Variants in COL25A1 observed in about 807,000 individuals in gnomAD.
COL25A1 encodes collagen type XXV alpha 1 chain, also known as collagen alpha-1(XXV) chain.
COL25A1 carries 103 observed loss-of-function variants against 128.4 expected under a neutral mutation model. The ratio of observed to expected loss-of-function variants is 0.80; its 90% confidence interval spans 0.68 to 0.94. COL25A1 has a LOEUF of 0.94. Among genes scored for constraint, COL25A1 ranks in the 40% least tolerant of loss-of-function variants. The pLI, the probability that COL25A1 is intolerant of heterozygous loss-of-function variation, is 0.00. For missense variants in COL25A1, 745 were observed against 840.0 expected (o/e 0.89, Z 1.40); for synonymous variants, 279 against 277.2 (o/e 1.01, Z -0.06).
chr4:108,823,397 G>A (rs1470452928), intron 35 of COL25A1, among the ~76,000 whole-genome samples: 1 of 152,056 alleles, frequency 6.6e-6, no homozygotes, highest in Non-Finnish European at 1.5e-5. Context: ...GAGAAGGATG[G>A]AGGGAGGGAG....
chr4:109,049,744 A>T (rs1760806253), intron 4 of COL25A1, among the ~76,000 whole-genome samples: 1 of 152,206 alleles, frequency 6.6e-6, no homozygotes, highest in Non-Finnish European at 1.5e-5. Context: ...GTCCCAAGGC[A>T]GATGTTTTTG....
chr4:109,214,998 T>C (rs1777874212), intron 3 of COL25A1, among the ~76,000 whole-genome samples: 1 of 152,170 alleles, frequency 6.6e-6, no homozygotes, highest in Non-Finnish European at 1.5e-5. Flanking sequence ...GTCTGGAGAT[T>C]TTTCCCTTAG....
intron 3 of COL25A1, among the ~76,000 whole-genome samples, chr4:109,264,314 T>C (rs1422501283): frequency 6.6e-6 from 1 of 152,204 alleles, no homozygotes; most frequent in Non-Finnish European, 1.5e-5. Context: ...CTGGCATGGT[T>C]GGGTTTTATC....
chr4:108,942,858 G>A (rs1405870906), intron 8 of COL25A1, among the ~76,000 whole-genome samples: 1 of 144,876 alleles, frequency 6.9e-6, no homozygotes, highest in Non-Finnish European at 1.5e-5. Flanking sequence ...CAGGGTTCAA[G>A]TGATTCTCTG....
intron 19 of COL25A1, among the ~76,000 whole-genome samples, chr4:108,872,884 CT>C (rs377303400): frequency 8.1e-5 from 12 of 149,012 alleles, no homozygotes; most frequent in East Asian, 2.0e-4. Flanking sequence ...GTTTTAACTT[CT>C]TTTTTTTTTC....
At chr4:109,235,303 A>C (rs1779400184) in intron 3 of COL25A1, among the ~76,000 whole-genome samples, 1 of 152,128 alleles carries the variant, frequency 6.6e-6, no homozygotes, top group South Asian at 2.1e-4. Context: ...TTGTAAGCAA[A>C]ATCTGGTTAA....
At chr4:108,953,488 G>C (rs1025735105) in intron 8 of COL25A1, among the ~76,000 whole-genome samples, 1 of 152,076 alleles carries the variant, frequency 6.6e-6, no homozygotes, top group Non-Finnish European at 1.5e-5. Context: ...TGTACATATG[G>C]AGTAAACTGA....
chr4:109,290,930 T>C (rs926895468), intron 3 of COL25A1, among the ~76,000 whole-genome samples: 3 of 152,148 alleles, frequency 2.0e-5, no homozygotes, highest in African/African-American at 4.8e-5. Flanking sequence ...TTCCTATCTT[T>C]GTTGCTTTAC....
intron 6 of COL25A1, among the ~76,000 whole-genome samples, chr4:109,001,325 C>T (rs1248547031): frequency 6.5e-5 from 1 of 15,424 alleles, no homozygotes; most frequent in Non-Finnish European, 2.9e-4. Flanking sequence ...ACAGGCATAT[C>T]TTCGCAGCGT....
intron 5 of COL25A1, among the ~76,000 whole-genome samples, chr4:109,038,967 A>T (rs1300496527): frequency 6.6e-6 from 1 of 152,102 alleles, no homozygotes; most frequent in Admixed American, 6.5e-5. Flanking sequence ...TCTCCATCTC[A>T]GTGGCCTCAC....
At chr4:109,078,057 G>T (rs1239874930) in intron 3 of COL25A1, among the ~76,000 whole-genome samples, 1 of 152,156 alleles carries the variant, frequency 6.6e-6, no homozygotes, top group African/African-American at 2.4e-5. Flanking sequence ...CATTATCCGG[G>T]TCTGTCCAGA....
rs55883310 is a variant in COL25A1 at position 109,278,437 on chromosome 4, A to G, written c.367+22146T>C. Among the ~76,000 whole-genome samples the G allele has an allele frequency of 3.2e-3, 489 of 152,320 alleles. 6 individuals carry two copies. The highest frequency in any genetic ancestry group is 0.011 in the African/African-American group (461 of 41,560). ...ATTAATTTGTATTGAATTTAGTCCT[A>G]TAATTTTTTGGAAAATGTTTTATAT... On this transcript the variant is annotated intron_variant, in intron 3 of 37. Transcript: ENST00000399132.
intron 27 of COL25A1, among the ~76,000 whole-genome samples, chr4:108,846,721 C>T (rs1735154263): frequency 6.6e-6 from 1 of 152,110 alleles, no homozygotes; most frequent in Admixed American, 6.6e-5. Flanking sequence ...TGATAAATCA[C>T]TGGATCATTT....
intron 3 of COL25A1, among the ~76,000 whole-genome samples, chr4:109,155,795 A>G (rs1771976330): frequency 6.6e-6 from 1 of 152,232 alleles, no homozygotes; most frequent in Admixed American, 6.5e-5. Flanking sequence ...ACCAGGCACC[A>G]TTATGTAAGT....
intron 3 of COL25A1, among the ~76,000 whole-genome samples, chr4:109,085,818 A>G (rs1764306213): frequency 6.6e-6 from 1 of 152,236 alleles, no homozygotes; most frequent in South Asian, 2.1e-4. Flanking sequence ...TGCCTAGCCC[A>G]TAAAAGTGCT....
At chr4:108,857,580 A>C (rs955573589) in intron 24 of COL25A1, among the ~76,000 whole-genome samples, 7 of 150,360 alleles carry the variant, frequency 4.7e-5, no homozygotes, top group African/African-American at 1.7e-4. Context: ...AAAAAAAAAA[A>C]CGACTTAGTG....
At chr4:108,957,608 G>A (rs1007777104) in intron 8 of COL25A1, among the ~76,000 whole-genome samples, 6 of 152,194 alleles carry the variant, frequency 3.9e-5, no homozygotes, top group African/African-American at 1.4e-4. Flanking sequence ...GAATTATTTT[G>A]TAATCTTAGA....
chr4:109,095,328 AC>A (rs1417180062), intron 3 of COL25A1, among the ~76,000 whole-genome samples: 1 of 152,240 alleles, frequency 6.6e-6, no homozygotes. Flanking sequence ...TTTCTTTAGA[AC>A]AAAGTAGATG....
chr4:109,301,470 C>A (rs191367242), intron 2 of COL25A1, among the ~76,000 whole-genome samples: 1 of 152,114 alleles, frequency 6.6e-6, no homozygotes, highest in Non-Finnish European at 1.5e-5. Flanking sequence ...CCTTTTAGAC[C>A]TTCCTATGTG....
Sources: allele counts gnomAD v4.1 joint callset (sites outside exome capture counted in the v4.1 genomes callset), GRCh38; gene constraint gnomAD v4.1.1; transcripts MANE v1.5; gene names NCBI Gene and HGNC (gene_info 2026-07-23, HGNC 2026-07-21).